The following CELF2 variants were observed in gnomAD, a reference collection of about 807,000 sequenced individuals.
CELF2 encodes the protein CUGBP Elav-like family member 2, also known as CUG triplet repeat RNA-binding protein 2.
CELF2 carries 8 observed loss-of-function variants against 62.6 expected under a neutral mutation model. The ratio of observed to expected loss-of-function variants is 0.13; its 90% confidence interval spans 0.07 to 0.23. CELF2 has a LOEUF of 0.23. Among genes scored for constraint, CELF2 ranks in the 10% least tolerant of loss-of-function variants. The pLI, the probability that CELF2 is intolerant of heterozygous loss-of-function variation, is 1.00. For synonymous variants in CELF2, 258 were observed against 250.0 expected, an observed-to-expected ratio of 1.03 and a Z score of -0.30; for missense variants, 333 against 671.0, an observed-to-expected ratio of 0.50 and a Z score of 5.56.
At chr10:10,646,055 A>C in the CELF2 span, among the ~76,000 whole-genome samples, 2 of 152,200 alleles carry the variant, frequency 1.3e-5, no homozygotes, top group African/African-American at 4.8e-5. Flanking sequence ...TTGACGTCTC[A>C]TTCTCCATTG....
chr10:11,149,759 G>A (rs776347141), intron 1 of CELF2, among the ~76,000 whole-genome samples: 2 of 152,170 alleles, frequency 1.3e-5, no homozygotes, highest in South Asian at 4.1e-4. Flanking sequence ...CTGAATGGAA[G>A]CCTCAAAAAC....
At chr10:11,027,659 A>G (rs1052620436) in intron 1 of CELF2, among the ~76,000 whole-genome samples, 1 of 152,232 alleles carries the variant, frequency 6.6e-6, no homozygotes, top group Non-Finnish European at 1.5e-5. Context: ...ATGTCGTAGA[A>G]TGGAACCACT....
the CELF2 span, among the ~76,000 whole-genome samples, chr10:10,747,464 T>C: frequency 2.0e-5 from 3 of 152,148 alleles, no homozygotes; most frequent in Non-Finnish European, 4.4e-5. Context: ...CATTGCTAGA[T>C]GGTGTCTGGA....
At chr10:11,187,558 A>G (rs1274414934) in intron 2 of CELF2, among the ~76,000 whole-genome samples, 4 of 129,468 alleles carry the variant, frequency 3.1e-5, no homozygotes, top group Non-Finnish European at 6.2e-5. Flanking sequence ...TTAGGTCTCT[A>G]ATCTCACTAA....
At chr10:10,571,774 G>C in the CELF2 span, among the ~76,000 whole-genome samples, 2 of 152,154 alleles carry the variant, frequency 1.3e-5, no homozygotes, top group Non-Finnish European at 2.9e-5. Flanking sequence ...GTGACCGTGG[G>C]TCATGAGATA....
rs2056682380 is a variant in CELF2, at chr10:11,012,800, C to T, written c.53+7360C>T. Among the ~76,000 whole-genome samples the T allele has an allele frequency of 1.3e-5, 2 of 152,156 alleles. No individual in the cohort carries two copies. On this transcript the variant is annotated intron_variant, in intron 1 of 12. Transcript: ENST00000416382. The surrounding 1 kb of genome is among the most constrained non-coding windows in gnomAD (Gnocchi z 5.5). ...AATTTTGTTCCTGCCGCCAGGCTGG[C>T]ACCAGATAAGGGCACTTGGTATGGT...
At chr10:10,608,907 G>T in the CELF2 span, among the ~76,000 whole-genome samples, 2 of 152,218 alleles carry the variant, frequency 1.3e-5, no homozygotes. Flanking sequence ...CCGTGAATCA[G>T]CAGGCTTAGT....
chr10:10,678,146 C>G, the CELF2 span, among the ~76,000 whole-genome samples: 1 of 152,062 alleles, frequency 6.6e-6, no homozygotes, highest in African/African-American at 2.4e-5. Context: ...CTCTTTATTG[C>G]CTGTAAAATT....
At chr10:10,535,473 A>G in the CELF2 span, among the ~76,000 whole-genome samples, 1 of 152,176 alleles carries the variant, frequency 6.6e-6, no homozygotes, top group Non-Finnish European at 1.5e-5. Flanking sequence ...TAATCCCAGC[A>G]CTTTGGGAGG....
chr10:11,065,511 AT>A (rs1163546519), intron 1 of CELF2, among the ~76,000 whole-genome samples: 1 of 152,188 alleles, frequency 6.6e-6, no homozygotes, highest in African/African-American at 2.4e-5. Context: ...TTCTTGGATC[AT>A]TGGAATCATA....
At chr10:10,791,579 A>T in the CELF2 span, among the ~76,000 whole-genome samples, 2 of 151,996 alleles carry the variant, frequency 1.3e-5, no homozygotes, top group African/African-American at 4.8e-5. Context: ...TTTTCTTTTC[A>T]TCAATAGTGT....
chr10:10,690,901 T>C, the CELF2 span, among the ~76,000 whole-genome samples: 1 of 152,078 alleles, frequency 6.6e-6, no homozygotes, highest in Non-Finnish European at 1.5e-5. Context: ...AAATACCAGC[T>C]CAACCTCCTT....
the CELF2 span, among the ~76,000 whole-genome samples, chr10:10,736,778 T>G: frequency 6.6e-6 from 1 of 152,104 alleles, no homozygotes; most frequent in Non-Finnish European, 1.5e-5. Flanking sequence ...GTTTTACTAA[T>G]AACACACAAA....
chr10:11,326,122 G>C (rs2095710934), intron 12 of CELF2, 143 bp downstream of exon 12: 3 of 833,210 alleles, frequency 3.6e-6, no homozygotes, highest in Non-Finnish European at 5.5e-6. Context: ...CTTGTAAGCA[G>C]ATTTGGGCAA....
the CELF2 span, among the ~76,000 whole-genome samples, chr10:10,788,453 CT>C: frequency 8.8e-3 from 843 of 95,704 alleles, no homozygotes; most frequent in African/African-American, 0.01. Flanking sequence ...TTCTTTCCAT[CT>C]TTTTTTTTTT....
At chr10:10,466,167 CAG>C in the CELF2 span, among the ~76,000 whole-genome samples, 1 of 152,118 alleles carries the variant, frequency 6.6e-6, no homozygotes, top group Non-Finnish European at 1.5e-5. Flanking sequence ...AATCAAGCTG[CAG>C]AGAGTTTCCA....
the CELF2 span, among the ~76,000 whole-genome samples, chr10:10,742,895 G>A: frequency 1.3e-5 from 2 of 152,202 alleles, no homozygotes; most frequent in East Asian, 1.9e-4. Flanking sequence ...GGAGAAATTC[G>A]TGTTATGTTC....
the CELF2 span, among the ~76,000 whole-genome samples, chr10:10,472,317 T>G: frequency 6.6e-6 from 1 of 151,866 alleles, no homozygotes; most frequent in African/African-American, 2.4e-5. Context: ...TAATTTGTAT[T>G]GATTTATCTT....
intron 1 of CELF2, among the ~76,000 whole-genome samples, chr10:11,120,161 A>T (rs2057437114): frequency 6.6e-6 from 1 of 152,114 alleles, no homozygotes; most frequent in Non-Finnish European, 1.5e-5. Context: ...GTGTCAGGGG[A>T]TACTGTCTTC....
Sources: allele counts gnomAD v4.1 joint callset (sites outside exome capture counted in the v4.1 genomes callset), GRCh38; gene constraint gnomAD v4.1.1; non-coding constraint Gnocchi (gnomAD v3.1); transcripts MANE v1.5; gene names NCBI Gene and HGNC (gene_info 2026-07-23, HGNC 2026-07-21).